PCDHA2: variants seen among roughly 807,000 people sequenced by gnomAD.
PCDHA2 encodes the protein protocadherin alpha-2.
A neutral mutation model predicts 66.0 loss-of-function variants in PCDHA2; 58 were observed. The ratio of observed to expected loss-of-function variants is 0.88; its 90% CI spans 0.71 to 1.09. PCDHA2 has a LOEUF of 1.09. Among genes scored for constraint, PCDHA2 ranks in the 50% least tolerant of loss-of-function variants. The pLI, the probability that PCDHA2 is intolerant of heterozygous loss-of-function variation, is 0.00. For missense variants in PCDHA2, 1,267 were observed against 1,242.3 expected, an observed-to-expected ratio of 1.02 and a Z score of -0.30; for synonymous variants, 634 against 554.0, an observed-to-expected ratio of 1.14 and a Z score of -2.03.
chr5:140,862,794 G>A (rs1554156969), intron 1 of PCDHA2: 1 of 575,742 alleles, frequency 1.7e-6, no homozygotes, highest in Non-Finnish European at 3.3e-6. Flanking sequence ...ACTACGAGGA[G>A]CTGGAGCTGC....
chr5:140,851,840 T>G, intron 1 of PCDHA2: 1 of 970,530 alleles, frequency 1.0e-6, no homozygotes, highest in South Asian at 4.8e-5. Context: ...TAAAAATATC[T>G]TTTTCTCCTC....
Position 140,849,759 on chromosome 5 carries a change from G to A in PCDHA2, c.2388+52407G>A, listed in dbSNP as rs140660802. On this transcript the variant is annotated intron_variant, in intron 1 of 3. Coordinates refer to ENST00000526136, the MANE Select transcript of PCDHA2 (RefSeq NM_018905.3). Reference sequence around the variant, plus strand: ...GGACCGCGAGAGTGTGTCCGCCTACGAGCTGGTGGTTACCGCGCGGGACGG... The same window carrying A: ...GGACCGCGAGAGTGTGTCCGCCTACAAGCTGGTGGTTACCGCGCGGGACGG... The A allele has an allele frequency of 1.8e-5, 29 of 1,598,444 alleles. 5 individuals are homozygous for A. The Admixed American group carries it at 3.9e-4, about 21-fold the overall frequency.
At chr5:140,890,313 G>T (rs1191082730) in intron 1 of PCDHA2, among the ~76,000 whole-genome samples, 2 of 152,112 alleles carry the variant, frequency 1.3e-5, no homozygotes, top group South Asian at 2.1e-4. Context: ...ATATTAAGTT[G>T]TTTTAAGATA....
intron 1 of PCDHA2, among the ~76,000 whole-genome samples, chr5:140,874,267 A>G (rs929129030): frequency 6.6e-6 from 1 of 152,232 alleles, no homozygotes; most frequent in Non-Finnish European, 1.5e-5. Flanking sequence ...TGACTTGAGT[A>G]TTAATAGACT....
intron 1 of PCDHA2, chr5:140,852,548 T>C: frequency 3.3e-6 from 2 of 614,864 alleles, no homozygotes; most frequent in South Asian, 7.0e-5. Context: ...AGTGCTGGGA[T>C]TAAAGCTGTG....
Position 140,830,107 on chromosome 5 carries a change from T to C in PCDHA2, c.2388+32755T>C, listed in dbSNP as rs2150181234. The C allele has an allele frequency of 3.1e-6, 5 of 1,612,600 alleles. No homozygotes were observed. The East Asian group carries it at 6.7e-5, about 22-fold the overall frequency. On this transcript the variant is annotated intron_variant, in intron 1 of 3. Transcript: ENST00000526136. ...CGGTTCTGGTGTCGCTGGTGGAGAG[T>C]GGCCAGGCTCCAAAGGCGTCATCAC... is the stretch of plus-strand genomic sequence containing the variant.
At chr5:140,798,342 T>C (rs1382556100) in intron 1 of PCDHA2, among the ~76,000 whole-genome samples, 2 of 152,218 alleles carry the variant, frequency 1.3e-5, no homozygotes, top group Admixed American at 1.3e-4. Flanking sequence ...GATTTCACAC[T>C]GATAACATTT....
chr5:140,851,823 GT>G, intron 1 of PCDHA2: 1 of 963,106 alleles, frequency 1.0e-6, no homozygotes, highest in Non-Finnish European at 1.3e-6. Context: ...ACAGAAATCT[GT>G]TTTTTTAAAA....
chr5:140,941,181 G>C (rs2092747130), intron 1 of PCDHA2, among the ~76,000 whole-genome samples: 1 of 114,608 alleles, frequency 8.7e-6, no homozygotes, highest in African/African-American at 3.2e-5. Flanking sequence ...TGAACATCCT[G>C]CTTCTTTTTT....
At chr5:140,898,894 G>A (rs1200031286) in intron 1 of PCDHA2, among the ~76,000 whole-genome samples, 5 of 152,102 alleles carry the variant, frequency 3.3e-5, no homozygotes, top group African/African-American at 9.7e-5. Context: ...TCTCCTTGAA[G>A]AGGTCCTTCA....
chr5:140,901,611 T>C (rs1261733801), intron 1 of PCDHA2, among the ~76,000 whole-genome samples: 1 of 152,204 alleles, frequency 6.6e-6, no homozygotes, highest in Non-Finnish European at 1.5e-5. Flanking sequence ...ATCTCTATGG[T>C]ATAATTTGAA....
intron 1 of PCDHA2, among the ~76,000 whole-genome samples, chr5:140,964,060 G>A (rs1187796756): frequency 6.6e-6 from 1 of 152,200 alleles, no homozygotes; most frequent in Non-Finnish European, 1.5e-5. Context: ...GTGTGGTCAA[G>A]GCATTAGTGT....
Position 140,828,319 on chromosome 5 carries a change from G to A in PCDHA2, c.2388+30967G>A, listed in dbSNP as rs2150153971. The A allele has an allele frequency of 4.5e-5, 73 of 1,614,234 alleles. No individual in the cohort carries two copies. In the East Asian group the frequency reaches 1.0e-3, roughly 23 times the overall value. On this transcript the variant is annotated intron_variant, in intron 1 of 3. Coordinates refer to ENST00000526136, the MANE Select transcript of PCDHA2 (RefSeq NM_018905.3). The stretch of plus-strand genomic sequence containing the variant: ...CCAAAGACCGCGAGGACCTTCTGGA[G>A]GTAAATCTGCAGAATGGCATTTTGT...
chr5:140,825,871 A>G (rs2150141676), intron 1 of PCDHA2: 9 of 152,470 alleles, frequency 5.9e-5, no homozygotes, highest in African/African-American at 2.2e-4. Flanking sequence ...TGAGTTGTTT[A>G]CAAAGAGTTG....
chr5:140,868,091 G>T (rs1355947056), intron 1 of PCDHA2: 1 of 151,974 alleles, frequency 6.6e-6, no homozygotes, highest in African/African-American at 2.4e-5. Flanking sequence ...TTTATAAAAT[G>T]ATAATAAAAT....
chr5:140,973,923 C>T (rs1157032594), intron 1 of PCDHA2, among the ~76,000 whole-genome samples: 1 of 152,170 alleles, frequency 6.6e-6, no homozygotes, highest in African/African-American at 2.4e-5. Flanking sequence ...TCACCAAACC[C>T]AGAGGTTTAG....
At chr5:140,871,126 C>T in intron 1 of PCDHA2, 1 of 1,613,370 alleles carries the variant, frequency 6.2e-7, no homozygotes. Context: ...CGGACAGGCG[C>T]CAAAGGCCTC....
chr5:140,898,407 C>T (rs556061781), intron 1 of PCDHA2, among the ~76,000 whole-genome samples: 90 of 152,094 alleles, frequency 5.9e-4, no homozygotes, highest in Middle Eastern at 3.4e-3. Flanking sequence ...TTTCTACATA[C>T]GGCTAGCCAG....
chr5:140,803,234 G>A (rs34395025), intron 1 of PCDHA2: 10 of 1,613,694 alleles, frequency 6.2e-6, no homozygotes, highest in Admixed American at 1.7e-5. Flanking sequence ...CCAAGGCCTC[G>A]TCCCAGGCGT....
Sources: gnomAD v4.1 joint callset for allele counts (sites outside exome capture counted in the v4.1 genomes callset) on GRCh38, gnomAD v4.1.1 for gene constraint, MANE v1.5 for transcripts, NCBI Gene and HGNC (gene_info 2026-07-23, HGNC 2026-07-21) for gene names.